Variants in EDARADD observed in about 807,000 individuals in gnomAD.
The protein encoded by EDARADD is EDAR associated via death domain.
Under a neutral mutation model 25.6 loss-of-function variants are expected in EDARADD, and 20 were observed. That is an observed-to-expected ratio of 0.78 (90% CI 0.55 to 1.14). The LOEUF is 1.14. Among genes scored for constraint, EDARADD ranks in the 50% most tolerant of loss-of-function variants. The probability of loss-of-function intolerance (pLI) is 0.00; values close to 1 mark genes in which losing one functional copy is unlikely to be tolerated. For synonymous variants in EDARADD, 86 were observed against 94.4 expected (o/e 0.91, Z 0.52); for missense variants, 225 against 270.1 (o/e 0.83, Z 1.17).
At chr1:236,406,802 C>T (rs1251338429) in intron 1 of EDARADD, among the ~76,000 whole-genome samples, 2 of 152,206 alleles carry the variant, frequency 1.3e-5, no homozygotes, top group Non-Finnish European at 2.9e-5. Context: ...TCTTCTCCCA[C>T]CCCTCCTCTC....
chr1:236,411,635 G>A (rs1199777706), intron 2 of EDARADD, among the ~76,000 whole-genome samples: 1 of 150,414 alleles, frequency 6.6e-6, no homozygotes, highest in Non-Finnish European at 1.5e-5. Context: ...TGCAACCTCT[G>A]CCTCCCAGGT....
chr1:236,355,045 CTG>C (rs1666958009), intron 3 of EDARADD, among the ~76,000 whole-genome samples: 1 of 152,214 alleles, frequency 6.6e-6, no homozygotes, highest in South Asian at 2.1e-4. Context: ...CATGCCAAAA[CTG>C]TCTCTTCCTG....
intron 3 of EDARADD, among the ~76,000 whole-genome samples, chr1:236,419,651 A>T (rs1203790573): frequency 6.6e-6 from 1 of 152,124 alleles, no homozygotes; most frequent in East Asian, 1.9e-4. Flanking sequence ...CAGCACTCTG[A>T]CTGACAGGCA....
rs543369019 is a variant in EDARADD at position 236,373,570 on chromosome 1, A to C, written c.-6+22731A>C. 2.0e-5 allele frequency among the ~76,000 whole-genome samples: 3 copies of C among 152,168 alleles called. No individual in the cohort carries two copies. The South Asian group carries it at 6.2e-4, about 32-fold the overall frequency. ...TCTTTTTCTAGGTTAGCTTTTCTAG[A>C]CACTTATTGATTTTACTGATCTTTT... On this transcript the variant is annotated intron_variant, in intron 3 of 7. Transcript: ENST00000439430.
chr1:236,463,319 T>C (rs1659088531), intron 4 of EDARADD, among the ~76,000 whole-genome samples: 1 of 152,206 alleles, frequency 6.6e-6, no homozygotes, highest in Non-Finnish European at 1.5e-5. Context: ...ATTTTAACCT[T>C]TTTTAACTCT....
intron 4 of EDARADD, among the ~76,000 whole-genome samples, chr1:236,464,055 A>C (rs1659113796): frequency 6.6e-6 from 1 of 152,108 alleles, no homozygotes; most frequent in African/African-American, 2.4e-5. Flanking sequence ...TAAGCAGATG[A>C]AAGGGCTGGG....
rs527632299 is a variant in EDARADD at position 236,415,607 on chromosome 1, G to A, written c.160+1308G>A. Reference sequence around the variant, plus strand: ...ATTACAGGTGCCTGCCACCACACCCGGCTAATTTTGTATTTTTAGTAGAGG... The same window carrying A: ...ATTACAGGTGCCTGCCACCACACCCAGCTAATTTTGTATTTTTAGTAGAGG... On this transcript the variant is annotated intron_variant, in intron 3 of 5. Coordinates refer to ENST00000334232, the MANE Select transcript of EDARADD (RefSeq NM_145861.4). 1.2e-3 allele frequency among the ~76,000 whole-genome samples: 175 copies of A among 152,060 alleles called. 1 individual carries two copies. Among genetic ancestry groups the A allele is most frequent in the Non-Finnish European group, 2.1e-3 (141 of 67,966 alleles).
In EDARADD at chr1:236,445,234, C is replaced by CTTTTTTTTTTTTTTTTTTTTTT. The variant is rs61333307; in HGVS notation, c.219+17795_219+17796insTTTTTTTTTTTTTTTTTTTTTT. On this transcript the variant is annotated intron_variant, in intron 4 of 5. Transcript: ENST00000334232. ...TGCATTAGCTGGGACATAATAAATT[C>CTTTTTTTTTTTTTTTTTTTTTT]TTTTTTTTTTTGAGACAGAGTCTTG... 1.4e-3 allele frequency among the ~76,000 whole-genome samples: 123 copies of CTTTTTTTTTTTTTTTTTTTTTT among 89,696 alleles called. 35 individuals are homozygous for CTTTTTTTTTTTTTTTTTTTTTT. Among genetic ancestry groups the CTTTTTTTTTTTTTTTTTTTTTT allele is most frequent in the Non-Finnish European group, 2.2e-3 (93 of 41,724 alleles). The allele number at this position is 89,696 out of a possible 152,430, so 58.8% of individuals were successfully genotyped here. A position where few individuals can be genotyped will look rare whatever the true frequency, so the allele number is the denominator to read the frequency against.
At chr1:236,435,908 T>C (rs1475839143) in intron 4 of EDARADD, among the ~76,000 whole-genome samples, 1 of 152,172 alleles carries the variant, frequency 6.6e-6, no homozygotes, top group Non-Finnish European at 1.5e-5. Context: ...TAGATTTTCC[T>C]CAAGGAATCT....
At chr1:236,458,048 T>C (rs1437169136) in intron 4 of EDARADD, among the ~76,000 whole-genome samples, 1 of 152,214 alleles carries the variant, frequency 6.6e-6, no homozygotes, top group Non-Finnish European at 1.5e-5. Context: ...AGAATTTCAC[T>C]GAGACATTCG....
intron 4 of EDARADD, among the ~76,000 whole-genome samples, chr1:236,433,502 G>A (rs1024314269): frequency 6.6e-6 from 1 of 151,336 alleles, no homozygotes. Flanking sequence ...GTAGAGACGG[G>A]GTTTCACCAT....
chr1:236,484,749 T>G lies in EDARADD; in HGVS notation c.*2100T>G. 1 of 264,924 alleles carries G rather than the reference T, an allele frequency of 3.8e-6. No individual in the cohort carries two copies. The highest frequency in any genetic ancestry group is 7.2e-6 in the Non-Finnish European group (1 of 138,796). The allele number at this position is 264,924 out of a possible 1,614,324, so 16.4% of individuals were successfully genotyped here. On this transcript the variant is annotated 3_prime_UTR_variant, in exon 6 of 6. Transcript: ENST00000334232. The surrounding 1 kb of genome is among the most constrained non-coding windows in gnomAD (Gnocchi z 4.1). ...AAAAGAACTTCTACAGAAGCCAAGCTCCCTGGAGCCCTGTTGGCAGCTCTA... is the reference window on the plus strand; with the variant it reads ...AAAAGAACTTCTACAGAAGCCAAGCGCCCTGGAGCCCTGTTGGCAGCTCTA...
At chr1:236,377,538 A>T (rs1480467337) in intron 3 of EDARADD, among the ~76,000 whole-genome samples, 1 of 149,654 alleles carries the variant, frequency 6.7e-6, no homozygotes, top group Non-Finnish European at 1.5e-5. Flanking sequence ...TATGAGTCTG[A>T]TTCTGATGCT....
At chr1:236,464,532 A>G (rs1340874385) in intron 4 of EDARADD, among the ~76,000 whole-genome samples, 1 of 144,360 alleles carries the variant, frequency 6.9e-6, no homozygotes, top group Non-Finnish European at 1.5e-5. Flanking sequence ...TCCCGGGTTC[A>G]GGTGATTCTC....
intron 5 of EDARADD, among the ~76,000 whole-genome samples, chr1:236,479,920 C>A (rs1208889708): frequency 1.3e-5 from 1 of 76,962 alleles, no homozygotes; most frequent in East Asian, 2.6e-4. Context: ...TGATGGTGTG[C>A]ACCTAGTCCC....
intron 5 of EDARADD, among the ~76,000 whole-genome samples, chr1:236,473,241 G>A (rs1659403293): frequency 6.6e-6 from 1 of 152,144 alleles, no homozygotes; most frequent in Non-Finnish European, 1.5e-5. Flanking sequence ...CCAGGTTAAT[G>A]GGATTAAGCC....
chr1:236,476,521 T>C (rs1423948457), intron 5 of EDARADD, among the ~76,000 whole-genome samples: 1 of 146,784 alleles, frequency 6.8e-6, no homozygotes, highest in African/African-American at 2.5e-5. Context: ...CCCCTGTCCC[T>C]ACAGATTTTT....
At chr1:236,368,460 GAC>G (rs1667137365) in intron 3 of EDARADD, among the ~76,000 whole-genome samples, 1 of 33,146 alleles carries the variant, frequency 3.0e-5, no homozygotes, top group Non-Finnish European at 5.8e-5. Context: ...TTTTTTTTTT[GAC>G]AGAGTTTCAC....
At chr1:236,429,219 ATTTT>A (rs754804481) in intron 4 of EDARADD, among the ~76,000 whole-genome samples, 1 of 122,158 alleles carries the variant, frequency 8.2e-6, no homozygotes. Context: ...AGAGGGAGAG[ATTTT>A]TTTTTTTTTT....
Sources: allele counts gnomAD v4.1 joint callset (sites outside exome capture counted in the v4.1 genomes callset), GRCh38; gene constraint gnomAD v4.1.1; non-coding constraint Gnocchi (gnomAD v3.1); transcripts MANE v1.5; gene names NCBI Gene and HGNC (gene_info 2026-07-23, HGNC 2026-07-21).